TBL1X: variants seen among roughly 807,000 people sequenced by gnomAD.
TBL1X encodes transducin beta like 1 X-linked.
In TBL1X, 10 loss-of-function variants were observed where a neutral mutation model predicts 50.7. The observed-to-expected ratio is 0.20, with a 90% CI of 0.12 to 0.33. The LOEUF is 0.33. TBL1X is among the 10% of genes least tolerant of loss of function. The pLI is 1.00. For missense variants in TBL1X, 340 were observed against 504.4 expected, an observed-to-expected ratio of 0.67 and a Z score of 3.12; for synonymous variants, 190 against 214.7, an observed-to-expected ratio of 0.88 and a Z score of 1.01.
chrX:9,688,244 G>T lies in TBL1X; in HGVS notation c.585G>T (p.Val195=). ...QNPSKNREAT[V]NGEENRAHSV... is the part of the protein sequence containing the mutation. Reference sequence around the variant, plus strand: ...CATCGAAGAACAGAGAGGCCACGGTGAATGGGGAAGAGAACAGAGCACATT... The same window carrying T: ...CATCGAAGAACAGAGAGGCCACGGTTAATGGGGAAGAGAACAGAGCACATT... Residue 195 remains valine (V), a synonymous_variant, in exon 7 of 18, where the codon GTG becomes GTT. Transcript: ENST00000645353. 3 of 1,196,512 alleles carry T rather than the reference G, an allele frequency of 2.5e-6. No individual in the cohort carries two copies. The highest frequency in any genetic ancestry group is 2.3e-6 in the Non-Finnish European group (2 of 887,316).
chrX:9,573,959 C>T (rs1318801689), intron 2 of TBL1X, among the ~76,000 whole-genome samples: 2 of 112,467 alleles, frequency 1.8e-5, no homozygotes, highest in Admixed American at 1.9e-4. Flanking sequence ...CAGCACTCCA[C>T]CCTGCTGGGC....
At chrX:9,564,056 C>T (rs2082336582) in intron 2 of TBL1X, among the ~76,000 whole-genome samples, 1 of 112,578 alleles carries the variant, frequency 8.9e-6, no homozygotes, top group Non-Finnish European at 1.9e-5. Context: ...TGAACATAGA[C>T]TTCTTTGAAA....
At chrX:9,484,925 A>AG (rs1310448881) in intron 1 of TBL1X, among the ~76,000 whole-genome samples, 6 of 107,211 alleles carry the variant, frequency 5.6e-5, no homozygotes, top group African/African-American at 2.0e-4. Context: ...CTAAAAAAAA[A>AG]AAAAAAAAAA....
intron 2 of TBL1X, among the ~76,000 whole-genome samples, chrX:9,569,046 G>A (rs1254569738): frequency 2.7e-5 from 2 of 73,333 alleles, no homozygotes; most frequent in Non-Finnish European, 2.7e-5. Flanking sequence ...TGTGCTGTAT[G>A]TGTGTGTCTA....
chrX:9,509,308 A>G (rs772202302), intron 2 of TBL1X, among the ~76,000 whole-genome samples: 11 of 97,409 alleles, frequency 1.1e-4, no homozygotes, highest in East Asian at 1.0e-3. Context: ...GGAGAATGGC[A>G]TGAACCCGGG....
intron 2 of TBL1X, among the ~76,000 whole-genome samples, chrX:9,610,882 G>A (rs1414391823): frequency 8.9e-6 from 1 of 112,035 alleles, no homozygotes; most frequent in Non-Finnish European, 1.9e-5. Context: ...AACAGATTTA[G>A]CTTCTTAATG....
chrX:9,700,717 C>G (rs1230218818), intron 12 of TBL1X, among the ~76,000 whole-genome samples: 3 of 111,307 alleles, frequency 2.7e-5, no homozygotes, highest in Non-Finnish European at 5.7e-5. Flanking sequence ...GAGACATTGC[C>G]TTGCCCCACT....
chrX:9,681,830 G>A (rs2083027452), intron 5 of TBL1X, among the ~76,000 whole-genome samples: 1 of 112,817 alleles, frequency 8.9e-6, no homozygotes, highest in African/African-American at 3.2e-5. Flanking sequence ...AGCAACAGGA[G>A]GCTGTCAGTT....
chrX:9,666,523 T>C (rs1384552312), intron 5 of TBL1X, among the ~76,000 whole-genome samples: 1 of 112,331 alleles, frequency 8.9e-6, no homozygotes, highest in Non-Finnish European at 1.9e-5. Context: ...TAAAATATTA[T>C]TGGTAAAGTA....
At chrX:9,661,919 C>G (rs1377876016) in intron 5 of TBL1X, among the ~76,000 whole-genome samples, 3 of 111,191 alleles carry the variant, frequency 2.7e-5, no homozygotes, top group Non-Finnish European at 5.7e-5. Context: ...GGGCCTGATG[C>G]TGAGGGATGG....
At chrX:9,636,485 AAACAAC>A (rs60010378) in intron 2 of TBL1X, 5,455 of 101,492 alleles carry the variant, frequency 0.054, 173 homozygotes, top group African/African-American at 0.11. Flanking sequence ...AAACAAAGCA[AAACAAC>A]AACAACAACA....
chrX:9,583,687 T>G (rs2082453831), intron 2 of TBL1X, among the ~76,000 whole-genome samples: 1 of 112,389 alleles, frequency 8.9e-6, no homozygotes, highest in Admixed American at 9.4e-5. Flanking sequence ...AGCCGTGAAT[T>G]ACCTCTTAGA....
intron 15 of TBL1X, among the ~76,000 whole-genome samples, chrX:9,710,287 G>A (rs2083238466): frequency 9.2e-6 from 1 of 109,165 alleles, no homozygotes; most frequent in African/African-American, 3.3e-5. Context: ...ACAGTTGAGG[G>A]ACAGCAAGCC....
chrX:9,464,405 T>TG (rs1354840207), upstream of TBL1X, among the ~76,000 whole-genome samples: 1 of 111,069 alleles, frequency 9.0e-6, no homozygotes, highest in East Asian at 2.8e-4. Flanking sequence ...TGGCTCTTCT[T>TG]GGGAGGTGTT....
At chrX:9,709,871 C>T (rs774132618) in intron 15 of TBL1X, 111 bp downstream of exon 15, 271 of 1,001,356 alleles carry the variant, frequency 2.7e-4, no homozygotes, top group Non-Finnish European at 3.5e-4. Flanking sequence ...GGAAGCAAAG[C>T]GGTAGCTCAC....
intron 1 of TBL1X, among the ~76,000 whole-genome samples, chrX:9,481,898 C>G (rs1460518852): frequency 8.9e-6 from 1 of 112,192 alleles, no homozygotes; most frequent in Non-Finnish European, 1.9e-5. Flanking sequence ...AATAATTGTT[C>G]TAGCTGACCT....
chrX:9,463,624 G>A (rs2081749721), upstream of TBL1X, among the ~76,000 whole-genome samples: 1 of 112,686 alleles, frequency 8.9e-6, no homozygotes, highest in Non-Finnish European at 1.9e-5. Flanking sequence ...GGGCACGGTG[G>A]CTCACGCCTG....
intron 3 of TBL1X, among the ~76,000 whole-genome samples, chrX:9,640,672 C>A (rs137956738): frequency 0.022 from 2,491 of 110,715 alleles, 22 homozygotes; most frequent in Middle Eastern, 0.07. Context: ...GCTCTGTCAC[C>A]CAGGCTGGAG....
At chrX:9,676,988 G>C in intron 5 of TBL1X, among the ~76,000 whole-genome samples, 1 of 111,968 alleles carries the variant, frequency 8.9e-6, no homozygotes, top group East Asian at 2.8e-4. Context: ...GATGAAGATA[G>C]GATTTCTAAT....
Sources: gnomAD v4.1 joint callset for allele counts (sites outside exome capture counted in the v4.1 genomes callset) on GRCh38, gnomAD v4.1.1 for gene constraint, MANE v1.5 for transcripts, NCBI Gene and HGNC (gene_info 2026-07-23, HGNC 2026-07-21) for gene names.